SYNE2: variants seen among roughly 807,000 people sequenced by gnomAD.
SYNE2 encodes the protein spectrin repeat containing nuclear envelope protein 2.
SYNE2 carries 431 observed loss-of-function variants against 856.3 expected under a neutral mutation model. The ratio of observed to expected loss-of-function variants is 0.50; its 90% CI spans 0.47 to 0.55. The LOEUF is 0.55. Among genes scored for constraint, SYNE2 ranks in the 20% least tolerant of loss-of-function variants. SYNE2 has a pLI of 0.00. For synonymous variants in SYNE2, 2,923 were observed against 2,872.3 expected, an observed-to-expected ratio of 1.02 and a Z score of -0.56; for missense variants, 8,129 against 8,023.2, an observed-to-expected ratio of 1.01 and a Z score of -0.50.
At chr14:64,054,230 T>C (rs1032991200) in intron 48 of SYNE2, among the ~76,000 whole-genome samples, 1 of 152,114 alleles carries the variant, frequency 6.6e-6, no homozygotes, top group African/African-American at 2.4e-5. Context: ...GTAGTCTCTG[T>C]TGAGCTCAGA....
chr14:63,972,391 T>C (rs1165021953), intron 11 of SYNE2, among the ~76,000 whole-genome samples: 1 of 152,202 alleles, frequency 6.6e-6, no homozygotes, highest in East Asian at 1.9e-4. Flanking sequence ...AATTTGGTAA[T>C]AGCTTGAAAA....
In SYNE2 at chr14:64,162,216, C is replaced by T. The variant is rs779415655; in HGVS notation, c.16239C>T (p.Asn5413=). 1 of 1,614,226 alleles carries T rather than the reference C, an allele frequency of 6.2e-7. No individual in the cohort carries two copies. Residue 5413 remains asparagine, a synonymous_variant, in exon 88 of 116, where the codon AAC becomes AAT. Coordinates refer to ENST00000555002, the MANE Select transcript of SYNE2 (RefSeq NM_182914.3). ...QQEAKFQQLA[N]ISMSGNNLAE... is the part of the protein sequence containing the mutation. ...AAGCAAAGTTTCAACAGCTCGCAAA[C>T]ATCAGCATGTCTGGAAACAACCTGG... is the stretch of plus-strand genomic sequence containing the variant.
chr14:64,209,204 G>A, intron 101 of SYNE2: 2 of 843,514 alleles, frequency 2.4e-6, no homozygotes, highest in Non-Finnish European at 3.6e-6. Context: ...AGTAGTGGAG[G>A]CAGCCCTGTC....
intron 80 of SYNE2, 147 bp downstream of exon 80, chr14:64,140,220 A>G (rs1486855360): frequency 5.4e-6 from 4 of 744,566 alleles, no homozygotes; most frequent in African/African-American, 3.5e-5. Flanking sequence ...CTTCAAACCT[A>G]GAACTGTTTA....
chr14:63,948,734 G>GTGTATATATATATATGTA (rs1296695009), intron 6 of SYNE2, among the ~76,000 whole-genome samples: 1 of 57,498 alleles, frequency 1.7e-5, no homozygotes, highest in South Asian at 5.8e-4. Context: ...ATATATATGT[G>GTGTATATATATATATGTA]TATAGATATG....
At chr14:64,210,675 T>A (rs1446849755) in intron 103 of SYNE2, among the ~76,000 whole-genome samples, 1 of 152,244 alleles carries the variant, frequency 6.6e-6, no homozygotes, top group Admixed American at 6.5e-5. Context: ...TCAGAAGATG[T>A]GCTGTGTAAA....
intron 110 of SYNE2, 136 bp from the exon 111 acceptor site, chr14:64,220,301 C>T: frequency 1.0e-6 from 1 of 989,238 alleles, no homozygotes; most frequent in South Asian, 1.4e-5. Flanking sequence ...CCAGCCAGTC[C>T]CAGGCGAGGT....
chr14:64,043,312 A>G (rs1595093071), intron 45 of SYNE2, among the ~76,000 whole-genome samples: 1 of 152,296 alleles, frequency 6.6e-6, no homozygotes, highest in East Asian at 1.9e-4. Context: ...AAGTTAGGAA[A>G]TGTTTCAGTC....
At chr14:63,887,291 T>C (rs970011123) in intron 1 of SYNE2, among the ~76,000 whole-genome samples, 1 of 151,128 alleles carries the variant, frequency 6.6e-6, no homozygotes, top group Admixed American at 6.6e-5. Flanking sequence ...AAAAAAAAAA[T>C]AGAATTTGTA....
chr14:63,988,726 G>C (rs1042801527), intron 19 of SYNE2, among the ~76,000 whole-genome samples: 59 of 152,326 alleles, frequency 3.9e-4, no homozygotes, highest in African/African-American at 1.3e-3. Context: ...TCACAATCAT[G>C]GTGGAGGGTG....
At chr14:64,122,635 G>A (rs937569892) in intron 70 of SYNE2, 9 of 650,362 alleles carry the variant, frequency 1.4e-5, no homozygotes, top group Admixed American at 2.6e-5. Flanking sequence ...CATCAGAGCT[G>A]TTATTTATAA....
intron 1 of SYNE2, among the ~76,000 whole-genome samples, chr14:63,764,349 T>C (rs950561282): frequency 3.3e-5 from 5 of 152,180 alleles, no homozygotes; most frequent in Admixed American, 3.3e-4. Flanking sequence ...ACACGAGGGA[T>C]GAACAGCTGA....
At position 64,080,462 on chromosome 14, in the gene SYNE2, T is replaced by C; in HGVS notation, c.11170T>C (p.Trp3724Arg). The C allele has an allele frequency of 6.2e-7, 1 of 1,614,168 alleles. No homozygotes were observed. The highest frequency in any genetic ancestry group is 8.5e-7 in the Non-Finnish European group (1 of 1,180,010). Residue 3724 changes from tryptophan to arginine, a missense_variant, in exon 56 of 116, where the codon TGG becomes CGG. Physicochemically the swap from Trp to Arg is moderately radical, Grantham distance 101. This residue lies in a region of SYNE2 where 5,410 missense variants were observed against 5,284.8 expected (regional missense o/e 1.02). Coordinates refer to ENST00000555002, the MANE Select transcript of SYNE2 (RefSeq NM_182914.3). Reference protein sequence around the residue: ...EKAQEIQKKMWDELDLWHSKL... With the variant: ...EKAQEIQKKMRDELDLWHSKL... ...TTACGATTTCCTTCTCCAGAAAATG[T>C]GGGACGAGTTAGATCTATGGCATTC...
In SYNE2 at chr14:63,810,234, A is replaced by AG. The variant is rs1317834528; in HGVS notation, c.-304-42267_-304-42266insG. Among the ~76,000 whole-genome samples, 62 of 150,576 alleles carry AG rather than the reference A, an allele frequency of 4.1e-4. 1 individual carries two copies. Among genetic ancestry groups the AG allele is most frequent in the African/African-American group, 1.4e-3 (58 of 41,392 alleles). The stretch of plus-strand genomic sequence containing the variant: ...TAAGACTCTTTCTCAAAAAAAAAAA[A>AG]AGAGAGAGAGAGAGAAAGAAAAAAG... On this transcript the variant is annotated intron_variant, in intron 1 of 23. Transcript: ENST00000674003.
At chr14:63,815,343 T>G (rs1292169803) in intron 1 of SYNE2, among the ~76,000 whole-genome samples, 1 of 150,636 alleles carries the variant, frequency 6.6e-6, no homozygotes, top group African/African-American at 2.4e-5. Flanking sequence ...AGGAAGCCAG[T>G]CTGAGTTCCA....
In SYNE2 at chr14:63,980,649, C is replaced by A; in HGVS notation, c.1570-5C>A. ...CTGTCAATATGTTTTTTGTTTTCTT[C>A]CCAGAAATTTATTGAAGAAAAAGAA... is the stretch of plus-strand genomic sequence containing the variant. On this transcript the variant is annotated splice_region_variant and splice_polypyrimidine_tract_variant and intron_variant, in intron 14 of 115. Transcript: ENST00000555002. 6.3e-7 allele frequency: 1 copy of A among 1,576,290 alleles called. No individual in the cohort carries two copies. Among genetic ancestry groups the A allele is most frequent in the Non-Finnish European group, 8.7e-7 (1 of 1,146,766 alleles).
intron 50 of SYNE2, 38 bp downstream of exon 50, chr14:64,062,933 A>C: frequency 1.2e-6 from 2 of 1,613,604 alleles, no homozygotes; most frequent in Non-Finnish European, 1.7e-6. Context: ...GTCTGTGTGC[A>C]AAAAATTGCA....
At chr14:64,038,668 C>T (rs370430691) in intron 45 of SYNE2, among the ~76,000 whole-genome samples, 12 of 152,346 alleles carry the variant, frequency 7.9e-5, no homozygotes, top group Non-Finnish European at 7.3e-5. Flanking sequence ...CAGCGAAACC[C>T]GGTCTCCATC....
chr14:63,911,959 C>T (rs561134473), intron 2 of SYNE2, among the ~76,000 whole-genome samples: 58 of 152,200 alleles, frequency 3.8e-4, no homozygotes, highest in African/African-American at 1.3e-3. Flanking sequence ...ATGTGATATA[C>T]GTGCACTGGT....
Sources: gnomAD v4.1 joint callset for allele counts (sites outside exome capture counted in the v4.1 genomes callset) on GRCh38, gnomAD v4.1.1 for gene constraint, gnomAD v4.1.1 regional missense constraint, MANE v1.5 for transcripts, NCBI Gene and HGNC (gene_info 2026-07-23, HGNC 2026-07-21) for gene names.